FHIP1B: variants seen among roughly 807,000 people sequenced by gnomAD.
The protein encoded by FHIP1B is FHF complex subunit HOOK interacting protein 1B, also known as FHF complex subunit HOOK-interacting protein 1B.
A neutral mutation model predicts 82.2 loss-of-function variants in FHIP1B; 28 were observed. That is an observed-to-expected ratio of 0.34 (90% CI 0.25 to 0.47). FHIP1B has a LOEUF of 0.47. Ranked by LOEUF, FHIP1B falls within the 20% of genes least tolerant of loss-of-function variation. FHIP1B has a pLI of 1.00. For synonymous variants in FHIP1B, 585 were observed against 516.1 expected, an observed-to-expected ratio of 1.13 and a Z score of -1.81; for missense variants, 1,110 against 1,262.6, an observed-to-expected ratio of 0.88 and a Z score of 1.83.
rs1362866368 is a variant in FHIP1B at position 6,224,370 on chromosome 11, G to A, written c.138+9C>T. 6.2e-7 allele frequency: 1 copy of A among 1,614,250 alleles called. No individual in the cohort carries two copies. The highest frequency in any genetic ancestry group is 8.5e-7 in the Non-Finnish European group (1 of 1,180,040). Reference sequence around the variant, plus strand: ...AGCAGACAAGGCCCTTTGCCATACAGTCTCCTACCTGGGACCAGTGATTCT... The same window carrying A: ...AGCAGACAAGGCCCTTTGCCATACAATCTCCTACCTGGGACCAGTGATTCT... On this transcript the variant is annotated intron_variant, in intron 2 of 11. Transcript: ENST00000449352.
chr11:6,212,024 G>T (rs1471406205), intron 11 of FHIP1B, 157 bp from the exon 12 acceptor site: 1 of 938,870 alleles, frequency 1.1e-6, no homozygotes, highest in East Asian at 1.2e-4. Flanking sequence ...TGAACCTCAG[G>T]TACCATTTCC....
chr11:6,233,904 G>A (rs1477202365), intron 1 of FHIP1B, among the ~76,000 whole-genome samples: 2 of 152,202 alleles, frequency 1.3e-5, no homozygotes, highest in South Asian at 2.1e-4. Flanking sequence ...TGATTACTCT[G>A]TTGAAGTCTG....
In FHIP1B at chr11:6,224,126, G is replaced by A. The variant is rs754367421; in HGVS notation, c.261C>T (p.Pro87=). 6.2e-7 allele frequency: 1 copy of A among 1,613,874 alleles called. No individual in the cohort carries two copies. Among genetic ancestry groups the A allele is most frequent in the Non-Finnish European group, 8.5e-7 (1 of 1,180,014 alleles). Residue 87 remains proline (P), a synonymous_variant, in exon 3 of 12, where the codon CCC becomes CCT. Coordinates refer to ENST00000449352, the MANE Select transcript of FHIP1B (RefSeq NM_001098794.2). ...LTLLAEDRAV[P]SAPTGPGPLL... is the part of the protein sequence containing the mutation. ...GGGGCCCAGGGCCTGTGGGGGCCGA[G>A]GGAACTGCACGGTCCTCTGCCAGCA...
At chr11:6,233,680 A>G (rs1847761949) in intron 1 of FHIP1B, among the ~76,000 whole-genome samples, 1 of 152,250 alleles carries the variant, frequency 6.6e-6, no homozygotes, top group African/African-American at 2.4e-5. Flanking sequence ...AGGGCAAACC[A>G]TATGACCTCC....
intron 6 of FHIP1B, among the ~76,000 whole-genome samples, chr11:6,219,978 T>C (rs1005013399): frequency 6.6e-6 from 1 of 152,198 alleles, no homozygotes; most frequent in Non-Finnish European, 1.5e-5. Context: ...AAATGACCAC[T>C]TTAGCTAGCA....
rs1343571179 is a variant in FHIP1B, at chr11:6,211,744, C to A, written c.2681G>T (p.Ser894Ile). 18 of 1,614,240 alleles carry A rather than the reference C, an allele frequency of 1.1e-5. No individual in the cohort carries two copies. Among genetic ancestry groups the A allele is most frequent in the Admixed American group, 1.7e-5 (1 of 60,024 alleles). Residue 894 changes from serine (S) to isoleucine (I), a missense_variant, in exon 12 of 12, where the codon AGT becomes ATT. Physicochemically the swap from Ser to Ile is moderately radical, Grantham distance 142. Coordinates refer to ENST00000449352, the MANE Select transcript of FHIP1B (RefSeq NM_001098794.2). ...AGTTGAAGCCCCAGGGGAGCCCCCA[C>A]TTAGGCCAAGTCCTGCTCCGTCTCG... ...PGRDGAGLGL[S>I]GGSPGASTPV...
At chr11:6,228,388 G>C (rs1433635203) in intron 1 of FHIP1B, among the ~76,000 whole-genome samples, 2 of 152,138 alleles carry the variant, frequency 1.3e-5, no homozygotes, top group Non-Finnish European at 2.9e-5. Context: ...AGAAGTTGTG[G>C]TAAGGGGAGT....
intron 1 of FHIP1B, among the ~76,000 whole-genome samples, chr11:6,234,104 A>C (rs1177105992): frequency 6.6e-6 from 1 of 152,002 alleles, no homozygotes; most frequent in East Asian, 1.9e-4. Flanking sequence ...AGGCCTCAGA[A>C]CCAACCTCTC....
rs986160916 is a variant in FHIP1B at position 6,211,757 on chromosome 11, C to T, written c.2668G>A (p.Gly890Arg). The T allele has an allele frequency of 6.2e-7, 1 of 1,614,118 alleles. No homozygotes were observed. The highest frequency in any genetic ancestry group is 1.3e-5 in the African/African-American group (1 of 74,952). ...LVLQPGRDGAGLGLSGGSPGA... is the reference protein window; with the variant it reads ...LVLQPGRDGARLGLSGGSPGA... ...GGGGAGCCCCCACTTAGGCCAAGTC[C>T]TGCTCCGTCTCGCCCAGGCTGAAGG... Residue 890 changes from glycine to arginine, a missense_variant, in exon 12 of 12, where the codon GGA becomes AGA. Physicochemically the swap from Gly to Arg is moderately radical, Grantham distance 125. Around this residue, in one of 6 missense-constraint regions of FHIP1B, gnomAD observed 147 missense variants for 154.0 expected, o/e 0.95. Transcript: ENST00000449352.
chr11:6,222,493 G>A lies in FHIP1B; in HGVS notation c.1140C>T (p.Asp380=). 1.9e-6 allele frequency: 3 copies of A among 1,614,140 alleles called. No individual in the cohort carries two copies. The highest frequency in any genetic ancestry group is 2.5e-6 in the Non-Finnish European group (3 of 1,180,034). ...FLRFLLLHRH[D]THTILDTLVA... ...CGAGGGTGTCGAGGATGGTGTGGGT[G>A]TCATGCCGGTGCAACAACAGGAATC... Residue 380 remains aspartate, a synonymous_variant, in exon 6 of 12, where the codon GAC becomes GAT. Transcript: ENST00000449352.
chr11:6,217,157 A>G lies in FHIP1B; in HGVS notation c.2215+214T>C, dbSNP rs1389824640. On this transcript the variant is annotated intron_variant, in intron 9 of 11. Coordinates refer to ENST00000449352, the MANE Select transcript of FHIP1B (RefSeq NM_001098794.2). ...ACATACAAGGCTCAGATGTAAGTCAATACTCAAACCAGCACAAGCATGGAA... is the reference window on the plus strand; with the variant it reads ...ACATACAAGGCTCAGATGTAAGTCAGTACTCAAACCAGCACAAGCATGGAA... 3 of 705,374 alleles carry G rather than the reference A, an allele frequency of 4.3e-6. No homozygotes were observed. In the Admixed American group the frequency reaches 6.0e-5, roughly 14 times the overall value. The allele number at this position is 705,374 out of a possible 1,614,324, so 43.7% of individuals were successfully genotyped here. A position where few individuals can be genotyped will look rare whatever the true frequency, so the allele number is the denominator to read the frequency against.
intron 1 of FHIP1B, among the ~76,000 whole-genome samples, chr11:6,233,215 G>T (rs1157661228): frequency 6.6e-6 from 1 of 152,212 alleles, no homozygotes; most frequent in African/African-American, 2.4e-5. Context: ...GGGGACTGAG[G>T]CTGTCTAATT....
rs776935007 is a variant in FHIP1B, at chr11:6,217,736, C to G, written c.1850G>C (p.Arg617Thr). ...CTCCCCTGCACCCCCAGCCCGCCCC[C>G]TCCTCCCCAGCTCTTCCTCCTCCCC... ...GEGEEEELGR[R>T]GRAGGAGEGP... is the part of the protein sequence containing the mutation. Residue 617 changes from arginine to threonine, a missense_variant, in exon 9 of 12, where the codon AGG (arginine) becomes ACG (threonine). Coordinates refer to ENST00000449352, the MANE Select transcript of FHIP1B (RefSeq NM_001098794.2). 2 of 1,603,010 alleles carry G rather than the reference C, an allele frequency of 1.2e-6. No homozygotes were observed. Among genetic ancestry groups the G allele is most frequent in the South Asian group, 2.2e-5 (2 of 90,198 alleles).
At chr11:6,218,187 C>A (rs1345467638) in intron 8 of FHIP1B, 37 bp from the exon 9 acceptor site, 2 of 1,576,528 alleles carry the variant, frequency 1.3e-6, no homozygotes, top group Admixed American at 1.8e-5. Context: ...ATCAAGGAGA[C>A]AGAGGTTCAG....
At chr11:6,218,443 C>A in intron 8 of FHIP1B, 157 bp downstream of exon 8, 1 of 1,168,662 alleles carries the variant, frequency 8.6e-7, no homozygotes, top group Non-Finnish European at 1.2e-6. Flanking sequence ...GTTAAGGGTC[C>A]TCCCTGCAAG....
intron 11 of FHIP1B, among the ~76,000 whole-genome samples, chr11:6,214,098 C>A (rs1376034625): frequency 2.0e-5 from 3 of 148,316 alleles, no homozygotes; most frequent in African/African-American, 5.0e-5. Context: ...AAGTCCTACC[C>A]ATCTCTCAAG....
rs371804376 is a variant in FHIP1B at position 6,217,511 on chromosome 11, G to A, written c.2075C>T (p.Ser692Leu). Residue 692 changes from serine (S) to leucine (L), a missense_variant, in exon 9 of 12, where the codon TCA (serine) becomes TTA (leucine). By Grantham distance (145) the Ser-to-Leu change is moderately radical (BLOSUM62 -2). Transcript: ENST00000449352. ...CAGTGGAGGTTCTAAGGGGGACTCTGAGCCAGTTCCCCCATTGCTCAATGC... is the reference window on the plus strand; with the variant it reads ...CAGTGGAGGTTCTAAGGGGGACTCTAAGCCAGTTCCCCCATTGCTCAATGC... ...EVALSNGGTG[S>L]ESPLEPPLPL... 6.8e-6 allele frequency: 11 copies of A among 1,612,296 alleles called. No homozygotes were observed. In the African/African-American group the frequency reaches 1.3e-4, roughly 20 times the overall value.
Position 6,217,783 on chromosome 11 carries a change from C to A in FHIP1B, c.1803G>T (p.Glu601Asp). The A allele has an allele frequency of 1.2e-6, 2 of 1,610,430 alleles. No individual in the cohort carries two copies. Among genetic ancestry groups the A allele is most frequent in the Non-Finnish European group, 8.5e-7 (1 of 1,177,854 alleles). ...CCCCTTCCCCCACGTTGTTCCTGTC[C>A]TCCTCAGGCAGTAGGCTGCGTTTCT... ...RTKKRSLLPE[E>D]DRNNVGEGEE... The change falls in exon 9 of 12, where the codon GAG becomes GAT. Residue 601 changes from glutamate to aspartate, a missense_variant. Physicochemically the swap from Glu to Asp is conservative, Grantham distance 45 (BLOSUM62 2). Around this residue, in one of 6 missense-constraint regions of FHIP1B, gnomAD observed 418 missense variants for 371.4 expected, o/e 1.13. Transcript: ENST00000449352.
In FHIP1B at chr11:6,223,178, C is replaced by A. The variant is rs1160422457; in HGVS notation, c.838G>T (p.Gly280Trp). Residue 280 changes from glycine (G) to tryptophan (W), a missense_variant, in exon 4 of 12, where the codon GGG (glycine) becomes TGG (tryptophan). By Grantham distance (184) the Gly-to-Trp change is radical (BLOSUM62 -2). Coordinates refer to ENST00000449352, the MANE Select transcript of FHIP1B (RefSeq NM_001098794.2). The surrounding 1 kb of genome is among the most constrained non-coding windows in gnomAD (Gnocchi z 4.8). ...CGTCGCAGACAGTGCCAATCATCCC[C>A]TGGAACCTCAATCTTTCGAGGCAGT... ...SSLPRKIEVP[G>W]DDWHCLRRED... The A allele has an allele frequency of 6.2e-7, 1 of 1,608,746 alleles. No homozygotes were observed. Among genetic ancestry groups the A allele is most frequent in the Admixed American group, 1.7e-5 (1 of 57,648 alleles).
Sources: allele counts gnomAD v4.1 joint callset (sites outside exome capture counted in the v4.1 genomes callset), GRCh38; gene constraint gnomAD v4.1.1; regional missense constraint gnomAD v4.1.1; non-coding constraint Gnocchi (gnomAD v3.1); transcripts MANE v1.5; gene names NCBI Gene and HGNC (gene_info 2026-07-23, HGNC 2026-07-21).